Variants in N4BP1 observed in about 807,000 individuals in gnomAD.
N4BP1 encodes the protein NEDD4 binding protein 1.
N4BP1 carries 21 observed loss-of-function variants against 70.9 expected under a neutral mutation model. The ratio of observed to expected loss-of-function variants is 0.30; its 90% CI spans 0.21 to 0.43. The LOEUF (loss-of-function observed/expected upper bound fraction) is 0.43, where lower values mean the gene tolerates loss of function less well. N4BP1 is among the 20% of genes least tolerant of loss of function. N4BP1 has a pLI of 1.00. For synonymous variants in N4BP1, 387 were observed against 394.6 expected, an observed-to-expected ratio of 0.98 and a Z score of 0.23; for missense variants, 936 against 1,069.4, an observed-to-expected ratio of 0.88 and a Z score of 1.74.
At position 48,543,099 on chromosome 16, in the gene N4BP1, C is replaced by T; in HGVS notation, c.2496G>A (p.Leu832=). The stretch of plus-strand genomic sequence containing the variant: ...GCTGGAGACTGGGGAGGGCTGGCAG[C>T]AGTGGGAAGTGGGGCTGCTGAGGGA... ...HWLPQQPHFP[L]LPALPSLQQN... Residue 832 remains leucine (L), a synonymous_variant, in exon 7 of 7, where the codon CTG becomes CTA. Coordinates refer to ENST00000262384, the MANE Select transcript of N4BP1 (RefSeq NM_153029.4). 6.2e-7 allele frequency: 1 copy of T among 1,613,426 alleles called. No individual in the cohort carries two copies. The highest frequency in any genetic ancestry group is 8.5e-7 in the Non-Finnish European group (1 of 1,179,458).
At chr16:48,583,797 C>T (rs557614343) in intron 1 of N4BP1, among the ~76,000 whole-genome samples, 2 of 152,286 alleles carry the variant, frequency 1.3e-5, no homozygotes, top group East Asian at 1.9e-4. Flanking sequence ...AAAATTTTTA[C>T]ACTTTGGCAG....
chr16:48,548,366 A>G (rs1307209063), intron 4 of N4BP1, among the ~76,000 whole-genome samples: 1 of 152,222 alleles, frequency 6.6e-6, no homozygotes, highest in Non-Finnish European at 1.5e-5. Context: ...CTCAACTATA[A>G]TTTATTCAAA....
chr16:48,553,409 TAGATTTACA>T, intron 3 of N4BP1, 121 bp downstream of exon 3: 1 of 849,130 alleles, frequency 1.2e-6, no homozygotes, highest in Non-Finnish European at 1.6e-6. Context: ...CTAGGTGCAG[TAGATTTACA>T]ATTTTATTTT....
At chr16:48,578,882 T>A (rs983987564) in intron 1 of N4BP1, among the ~76,000 whole-genome samples, 1 of 152,258 alleles carries the variant, frequency 6.6e-6, no homozygotes, top group Non-Finnish European at 1.5e-5. Context: ...TTATTTAAAC[T>A]ATAGCATTTA....
At chr16:48,551,574 G>T in intron 3 of N4BP1, 92 bp from the exon 4 acceptor site, 1 of 875,606 alleles carries the variant, frequency 1.1e-6, no homozygotes. Context: ...GTTTCACTTG[G>T]AGAGCTGTAG....
chr16:48,607,302 T>C (rs147858156), intron 1 of N4BP1, among the ~76,000 whole-genome samples: 36 of 152,324 alleles, frequency 2.4e-4, no homozygotes, highest in Admixed American at 2.0e-3. Flanking sequence ...ATGCTTGCGA[T>C]GAGTCTTGAG....
At chr16:48,608,755 T>TTA (rs1555500120) in intron 1 of N4BP1, among the ~76,000 whole-genome samples, 3 of 134,066 alleles carry the variant, frequency 2.2e-5, no homozygotes, top group African/African-American at 8.3e-5. Context: ...AGCTGTTAAT[T>TTA]AAAAAAAAAA....
chr16:48,553,815 G>T, intron 2 of N4BP1, 146 bp from the exon 3 acceptor site: 1 of 694,026 alleles, frequency 1.4e-6, no homozygotes, highest in Non-Finnish European at 2.2e-6. Context: ...GCATTTAGTT[G>T]CACAAAGTTA....
chr16:48,563,266 G>A (rs1400706452), intron 1 of N4BP1, among the ~76,000 whole-genome samples: 1 of 151,952 alleles, frequency 6.6e-6, no homozygotes, highest in Non-Finnish European at 1.5e-5. Context: ...GAGATGGGAG[G>A]ATCGCTTCAG....
At chr16:48,601,896 C>G (rs954148331) in intron 1 of N4BP1, among the ~76,000 whole-genome samples, 2 of 151,914 alleles carry the variant, frequency 1.3e-5, no homozygotes, top group African/African-American at 2.4e-5. Context: ...TTCTTTAAGC[C>G]AAAAAAACTC....
rs765743988 is a variant in N4BP1, at chr16:48,562,157, T to C, written c.486A>G (p.Gln162=). ...KESEVKREFK[Q]FVEAHADNYT... Reference sequence around the variant, plus strand: ...AATTGTCTGCATGGGCTTCAACAAATTGTTTGAATTCCCTTTTCACCTCTG... The same window carrying C: ...AATTGTCTGCATGGGCTTCAACAAACTGTTTGAATTCCCTTTTCACCTCTG... The change falls in exon 2 of 7, where the codon CAA becomes CAG. Residue 162 remains glutamine (Q), a synonymous_variant. Coordinates refer to ENST00000262384, the MANE Select transcript of N4BP1 (RefSeq NM_153029.4). 1 of 1,614,002 alleles carries C rather than the reference T, an allele frequency of 6.2e-7. No homozygotes were observed. Among genetic ancestry groups the C allele is most frequent in the East Asian group, 2.2e-5 (1 of 44,880 alleles).
intron 1 of N4BP1, among the ~76,000 whole-genome samples, chr16:48,577,181 C>T (rs752328460): frequency 6.6e-6 from 1 of 152,168 alleles, no homozygotes; most frequent in Non-Finnish European, 1.5e-5. Context: ...ATGACTAATG[C>T]CAAGCCCAAA....
chr16:48,594,806 C>T (rs1597111638), intron 1 of N4BP1, among the ~76,000 whole-genome samples: 2 of 152,134 alleles, frequency 1.3e-5, no homozygotes, highest in South Asian at 4.1e-4. Flanking sequence ...TATATGTTAT[C>T]AATAATAATT....
intron 1 of N4BP1, among the ~76,000 whole-genome samples, chr16:48,563,919 CTCCT>C (rs973490897): frequency 1.3e-5 from 2 of 152,122 alleles, no homozygotes; most frequent in Non-Finnish European, 2.9e-5. Context: ...ACTCTATATC[CTCCT>C]TCTAGCTATT....
In N4BP1 at chr16:48,540,903, G is replaced by A. The variant is rs74372789; in HGVS notation, c.*2001C>T. ...GGTTTCGGAAGGAATGATGAATTCCGTCTCATGCTGTAACTGATGAAGGCA... is the reference window on the plus strand; with the variant it reads ...GGTTTCGGAAGGAATGATGAATTCCATCTCATGCTGTAACTGATGAAGGCA... On this transcript the variant is annotated 3_prime_UTR_variant, in exon 7 of 7. Coordinates refer to ENST00000262384, the MANE Select transcript of N4BP1 (RefSeq NM_153029.4). 33 of 152,242 alleles carry A rather than the reference G, an allele frequency of 2.2e-4. No individual in the cohort carries two copies. The highest frequency in any genetic ancestry group is 6.3e-4 in the African/African-American group (26 of 41,546). 9.4% of individuals were successfully genotyped at this position (152,242 alleles called of 1,614,324 possible).
chr16:48,585,769 C>A (rs1252398147), intron 1 of N4BP1, among the ~76,000 whole-genome samples: 2 of 151,982 alleles, frequency 1.3e-5, no homozygotes, highest in East Asian at 1.9e-4. Flanking sequence ...GATCTTGGCT[C>A]ACTGCAACCT....
chr16:48,540,870 A>G lies in N4BP1; in HGVS notation c.*2034T>C, dbSNP rs1055998011. 1 of 152,228 alleles carries G rather than the reference A, an allele frequency of 6.6e-6. No homozygotes were observed. The highest frequency in any genetic ancestry group is 2.1e-4 in the South Asian group (1 of 4,834). The allele number at this position is 152,228 out of a possible 1,614,324, so 9.4% of individuals were successfully genotyped here. ...TGGGTTTTTAAATATTAAATATTAAATATCAGGGGTTTCGGAAGGAATGAT... is the reference window on the plus strand; with the variant it reads ...TGGGTTTTTAAATATTAAATATTAAGTATCAGGGGTTTCGGAAGGAATGAT... On this transcript the variant is annotated 3_prime_UTR_variant, in exon 7 of 7. Transcript: ENST00000262384.
In N4BP1 at chr16:48,561,472, A is replaced by G. The variant is rs1212970828; in HGVS notation, c.1171T>C (p.Phe391Leu). The G allele has an allele frequency of 1.2e-6, 2 of 1,611,478 alleles. No homozygotes were observed. Among genetic ancestry groups the G allele is most frequent in the African/African-American group, 2.7e-5 (2 of 74,588 alleles). The change falls in exon 2 of 7, where the codon TTC becomes CTC. Residue 391 changes from phenylalanine (F) to leucine (L), a missense_variant. Physicochemically the swap from Phe to Leu is conservative, Grantham distance 22. Around this residue, in one of 4 missense-constraint regions of N4BP1, gnomAD observed 515 missense variants for 491.7 expected, o/e 1.05. Coordinates refer to ENST00000262384, the MANE Select transcript of N4BP1 (RefSeq NM_153029.4). Reference protein sequence around the residue: ...LEEIEKENKRFQEDREFSAGT... With the variant: ...LEEIEKENKRLQEDREFSAGT... ...GCTGAAAATTCTCTGTCTTCTTGGA[A>G]TCTTTTATTTTCTTTTTCAATTTCC...
intron 2 of N4BP1, among the ~76,000 whole-genome samples, chr16:48,560,364 A>T (rs1963835134): frequency 7.1e-6 from 1 of 140,008 alleles, no homozygotes; most frequent in South Asian, 2.3e-4. Flanking sequence ...GGCATACTCC[A>T]GCATAATAAG....
Sources: allele counts gnomAD v4.1 joint callset (sites outside exome capture counted in the v4.1 genomes callset), GRCh38; gene constraint gnomAD v4.1.1; regional missense constraint gnomAD v4.1.1; transcripts MANE v1.5; gene names NCBI Gene and HGNC (gene_info 2026-07-23, HGNC 2026-07-21).